Variants in LEPR observed in about 807,000 individuals in gnomAD.
The protein encoded by LEPR is OB receptor.
Under a neutral mutation model 114.7 loss-of-function variants are expected in LEPR, and 56 were observed. That is an observed-to-expected ratio of 0.49 (90% CI 0.39 to 0.61). The LOEUF (loss-of-function observed/expected upper bound fraction) is 0.61. LEPR is among the 20% of genes least tolerant of loss of function. The pLI is 0.00. For synonymous variants in LEPR, 443 were observed against 461.4 expected, an observed-to-expected ratio of 0.96 and a Z score of 0.51; for missense variants, 1,202 against 1,352.9, an observed-to-expected ratio of 0.89 and a Z score of 1.75.
intron 2 of LEPR, among the ~76,000 whole-genome samples, chr1:65,428,691 T>G (rs886780916): frequency 6.6e-6 from 1 of 152,276 alleles, no homozygotes. Flanking sequence ...TGTGGTGATA[T>G]GAATTATTGT....
At chr1:65,543,885 T>C (rs1651432894) in intron 2 of LEPR, among the ~76,000 whole-genome samples, 1 of 152,046 alleles carries the variant, frequency 6.6e-6, no homozygotes, top group Non-Finnish European at 1.5e-5. Flanking sequence ...TAGTATAGTT[T>C]GAAGTCAGTT....
At chr1:65,597,710 C>T (rs1656162438) in intron 7 of LEPR, among the ~76,000 whole-genome samples, 1 of 152,054 alleles carries the variant, frequency 6.6e-6, no homozygotes, top group Non-Finnish European at 1.5e-5. Flanking sequence ...TGGCACTTTA[C>T]TTTGTGAAAC....
chr1:65,633,293 T>C lies in LEPR; in HGVS notation c.2674-2898T>C, dbSNP rs1658598706. 4 of 1,516,798 alleles carry C rather than the reference T, an allele frequency of 2.6e-6. No individual in the cohort carries two copies. In the South Asian group the frequency reaches 5.2e-5, roughly 20 times the overall value. 94.0% of individuals were successfully genotyped at this position (1,516,798 alleles called of 1,614,324 possible). A position where few individuals can be genotyped will look rare whatever the true frequency, so the allele number is the denominator to read the frequency against. On this transcript the variant is annotated intron_variant, in intron 19 of 19. Transcript: ENST00000349533. This position sits in a 1 kb window ranked among gnomAD's most constrained non-coding sequence, Gnocchi z 4.1. ...TCTAAAAAAAATTCAGTTGAACTTC[T>C]GAGAGTTAACATATGGTGGATTATG...
chr1:65,480,273 G>A (rs902827468), intron 2 of LEPR, among the ~76,000 whole-genome samples: 4 of 152,124 alleles, frequency 2.6e-5, no homozygotes, highest in Admixed American at 6.5e-5. Flanking sequence ...GTATCGAGAT[G>A]GTTTTTGAGG....
intron 2 of LEPR, among the ~76,000 whole-genome samples, chr1:65,549,858 A>T (rs1652144512): frequency 6.6e-6 from 1 of 152,164 alleles, no homozygotes; most frequent in South Asian, 2.1e-4. Flanking sequence ...GCTGGTGAGG[A>T]ACTGCGTTCC....
At chr1:65,625,980 C>A in intron 19 of LEPR, 1 of 683,456 alleles carries the variant, frequency 1.5e-6, no homozygotes. Flanking sequence ...GAAACACTCT[C>A]TCTTCAGCAT....
At chr1:65,518,875 T>TTC (rs961831018) in intron 2 of LEPR, among the ~76,000 whole-genome samples, 1 of 63,976 alleles carries the variant, frequency 1.6e-5, no homozygotes, top group Non-Finnish European at 4.0e-5. Flanking sequence ...TTCTTTCTTT[T>TTC]TCTTTCTTTC....
intron 2 of LEPR, among the ~76,000 whole-genome samples, chr1:65,453,215 C>G (rs1438334984): frequency 6.6e-6 from 1 of 151,798 alleles, no homozygotes; most frequent in Non-Finnish European, 1.5e-5. Flanking sequence ...TTTTGTTGAT[C>G]CTTTCAAAAA....
At chr1:65,539,499 T>C (rs1651030836) in intron 2 of LEPR, among the ~76,000 whole-genome samples, 1 of 152,328 alleles carries the variant, frequency 6.6e-6, no homozygotes, top group Admixed American at 6.5e-5. Context: ...GCTAAAGGCC[T>C]GTTGCCTAAA....
chr1:65,450,225 A>G (rs917239824), intron 2 of LEPR, among the ~76,000 whole-genome samples: 2 of 152,002 alleles, frequency 1.3e-5, no homozygotes, highest in South Asian at 4.1e-4. Context: ...CAAAAGTTGG[A>G]TGAAGTAGTC....
chr1:65,554,971 T>C (rs1652710113), intron 2 of LEPR, among the ~76,000 whole-genome samples: 1 of 152,044 alleles, frequency 6.6e-6, no homozygotes, highest in Non-Finnish European at 1.5e-5. Context: ...GGAGGGAGTT[T>C]CTTGATCCCT....
Position 65,610,001 on chromosome 1 carries a change from T to TTG in LEPR, c.1812_1813dup (p.Ala605ValfsTer13). On this transcript the variant is annotated frameshift_variant, in exon 13 of 20. Coordinates refer to ENST00000349533, the MANE Select transcript of LEPR (RefSeq NM_002303.6). LOFTEE classifies it high-confidence loss of function. ...ATCTGTCAGTCTCCCAGTTCCAGAC[T>TTG]TGTGTGCAGTCTATGCTGTTCAGGT... 6.2e-7 allele frequency: 1 copy of TTG among 1,614,234 alleles called. No individual in the cohort carries two copies.
At position 65,490,161 on chromosome 1, in the gene LEPR, C is replaced by T. The variant is rs201934342; in HGVS notation, c.-21+64783C>T. ...TAAAAGACTTAATGACTACAAAATACTCAGCACAGTCCCTGGCACCTAGTA... is the reference window on the plus strand; with the variant it reads ...TAAAAGACTTAATGACTACAAAATATTCAGCACAGTCCCTGGCACCTAGTA... On this transcript the variant is annotated intron_variant, in intron 2 of 19. Transcript: ENST00000349533. 5.9e-5 allele frequency among the ~76,000 whole-genome samples: 9 copies of T among 152,080 alleles called. No individual in the cohort carries two copies. The East Asian group carries it at 1.7e-3, about 29-fold the overall frequency.
At chr1:65,545,651 G>A (rs1429765001) in intron 2 of LEPR, among the ~76,000 whole-genome samples, 2 of 152,204 alleles carry the variant, frequency 1.3e-5, no homozygotes, top group African/African-American at 4.8e-5. Flanking sequence ...TTTTGATGGG[G>A]TTGTCTGTCT....
At chr1:65,619,350 A>G (rs1657734192) in intron 16 of LEPR, among the ~76,000 whole-genome samples, 1 of 152,066 alleles carries the variant, frequency 6.6e-6, no homozygotes, top group Non-Finnish European at 1.5e-5. Context: ...TATTATTAGC[A>G]TTTGTGAAAA....
intron 4 of LEPR, among the ~76,000 whole-genome samples, chr1:65,571,833 G>A (rs796796367): frequency 6.3e-4 from 93 of 148,616 alleles, no homozygotes; most frequent in African/African-American, 2.2e-3. Flanking sequence ...AACTGGGCAT[G>A]GTGGTGCATG....
chr1:65,462,749 G>C (rs547822853), intron 2 of LEPR, among the ~76,000 whole-genome samples: 3 of 152,334 alleles, frequency 2.0e-5, no homozygotes, highest in East Asian at 1.9e-4. Flanking sequence ...CTGATGACCA[G>C]TGATGATGAG....
chr1:65,444,585 C>CG (rs1447311419), intron 2 of LEPR, among the ~76,000 whole-genome samples: 4 of 28,290 alleles, frequency 1.4e-4, no homozygotes, highest in Admixed American at 4.8e-4. Context: ...TGGAGGCGGG[C>CG]GGGGGGTGGG....
At position 65,483,760 on chromosome 1, in the gene LEPR, T is replaced by A. The variant is rs368593000; in HGVS notation, c.-21+58382T>A. 3.3e-5 allele frequency among the ~76,000 whole-genome samples: 5 copies of A among 152,294 alleles called. 1 individual carries two copies. ...AATATCCATCCTCCAGATATCCACA[T>A]GGCTCTGTCTCTTCATTCATTCTAG... On this transcript the variant is annotated intron_variant, in intron 2 of 19. Transcript: ENST00000349533.
Sources: allele counts gnomAD v4.1 joint callset (sites outside exome capture counted in the v4.1 genomes callset), GRCh38; gene constraint gnomAD v4.1.1; non-coding constraint Gnocchi (gnomAD v3.1); transcripts MANE v1.5; gene names NCBI Gene and HGNC (gene_info 2026-07-23, HGNC 2026-07-21).